The following FSIP2 variants were observed in gnomAD, a reference collection of about 807,000 sequenced individuals.
The protein encoded by FSIP2 is fibrous sheath-interacting protein 2.
Under a neutral mutation model 510.5 loss-of-function variants are expected in FSIP2, and 367 were observed. The ratio of observed to expected loss-of-function variants is 0.72; its 90% confidence interval spans 0.66 to 0.78. The LOEUF is 0.78. FSIP2 is among the 30% of genes least tolerant of loss of function. The pLI is 0.00. For synonymous variants in FSIP2, 2,601 were observed against 2,732.2 expected, an observed-to-expected ratio of 0.95 and a Z score of 1.50; for missense variants, 7,594 against 7,901.7, an observed-to-expected ratio of 0.96 and a Z score of 1.48.
Position 185,806,877 on chromosome 2 carries a change from G to C in FSIP2, c.17571G>C (p.Gly5857=), listed in dbSNP as rs1448350950. 1 of 1,608,360 alleles carries C rather than the reference G, an allele frequency of 6.2e-7. No individual in the cohort carries two copies. Among genetic ancestry groups the C allele is most frequent in the African/African-American group, 1.3e-5 (1 of 74,544 alleles). Residue 5857 remains glycine (G), a synonymous_variant, in exon 17 of 23, where the codon GGG becomes GGC. Coordinates refer to ENST00000424728, the MANE Select transcript of FSIP2 (RefSeq NM_173651.4). Reference sequence around the variant, plus strand: ...CAGATAAGGGAAATCAGTTCCCTGGGGGTAAAGTGTCTTCAGTTCCTAAAG... The same window carrying C: ...CAGATAAGGGAAATCAGTTCCCTGGCGGTAAAGTGTCTTCAGTTCCTAAAG... ...FRPDKGNQFP[G]GKVSSVPKVP...
At chr2:185,821,179 T>C (rs540285495) in intron 19 of FSIP2, among the ~76,000 whole-genome samples, 1 of 151,866 alleles carries the variant, frequency 6.6e-6, no homozygotes, top group Non-Finnish European at 1.5e-5. Context: ...TAATTGTATG[T>C]CAACAAATTG....
chr2:185,759,719 G>C (rs1044381142), intron 9 of FSIP2, among the ~76,000 whole-genome samples: 2 of 147,330 alleles, frequency 1.4e-5, no homozygotes, highest in Non-Finnish European at 3.0e-5. Context: ...TTTGCTCATG[G>C]GGGAATTGAA....
chr2:185,806,839 A>C lies in FSIP2; in HGVS notation c.17533A>C (p.Lys5845Gln). The change falls in exon 17 of 23, where the codon AAG (lysine) becomes CAG (glutamine). Residue 5845 changes from lysine (K) to glutamine (Q), a missense_variant. Physicochemically the swap from Lys to Gln is moderately conservative, Grantham distance 53. Coordinates refer to ENST00000424728, the MANE Select transcript of FSIP2 (RefSeq NM_173651.4). ...AAAGGAGTTCTCAGATGCTCAAATT[A>C]AGGTTTTCAGGCCAGATAAGGGAAA... Reference protein sequence around the residue: ...LLKEFSDAQIKVFRPDKGNQF... With the variant: ...LLKEFSDAQIQVFRPDKGNQF... The C allele has an allele frequency of 4.3e-6, 7 of 1,609,896 alleles. No individual in the cohort carries two copies. The highest frequency in any genetic ancestry group is 5.9e-6 in the Non-Finnish European group (7 of 1,178,220).
At chr2:185,739,544 A>G (rs776966867) in intron 2 of FSIP2, 73 bp downstream of exon 2, 167 of 1,285,552 alleles carry the variant, frequency 1.3e-4, no homozygotes, top group Middle Eastern at 2.0e-4. Context: ...GCTGCATCAT[A>G]CAAAATTCAT....
chr2:185,791,107 A>T lies in FSIP2; in HGVS notation c.3971A>T (p.His1324Leu). 7.8e-6 allele frequency: 12 copies of T among 1,531,674 alleles called. No individual in the cohort carries two copies. Among genetic ancestry groups the T allele is most frequent in the Non-Finnish European group, 9.6e-6 (11 of 1,144,192 alleles). 94.9% of individuals were successfully genotyped at this position (1,531,674 alleles called of 1,614,324 possible). A position where few individuals can be genotyped will look rare whatever the true frequency, so the allele number is the denominator to read the frequency against. The change falls in exon 16 of 23, where the codon CAT (histidine) becomes CTT (leucine). Residue 1324 changes from histidine to leucine, a missense_variant. Transcript: ENST00000424728. ...AACCTAAATCTTAGGGAGATTGACCATACCAAATCCCTTACAGATAAAGGA... is the reference window on the plus strand; with the variant it reads ...AACCTAAATCTTAGGGAGATTGACCTTACCAAATCCCTTACAGATAAAGGA... ...KENLNLREID[H>L]TKSLTDKGFF... is the part of the protein sequence containing the mutation.
At chr2:185,756,345 A>C (rs1411631574) in intron 9 of FSIP2, 67 bp downstream of exon 9, 6 of 570,246 alleles carry the variant, frequency 1.1e-5, no homozygotes, top group Non-Finnish European at 1.7e-5. Context: ...ACAGTTTTGT[A>C]ACAACTTTTT....
In FSIP2 at chr2:185,803,120, TTGA is replaced by T. The variant is rs1363270146; in HGVS notation, c.13821_13823del (p.Asp4607del). On this transcript the variant is annotated inframe_deletion, in exon 17 of 23. Transcript: ENST00000424728. ...TCATTATCTTCATCAGACACATATT[TTGA>T]TGATGAGAGAAGGCAGTTATTTTAT... 3 of 1,520,092 alleles carry T rather than the reference TTGA, an allele frequency of 2.0e-6. No individual in the cohort carries two copies. The highest frequency in any genetic ancestry group is 4.9e-5 in the East Asian group (2 of 40,756). The allele number at this position is 1,520,092 out of a possible 1,614,324, so 94.2% of individuals were successfully genotyped here. A position where few individuals can be genotyped will look rare whatever the true frequency, so the allele number is the denominator to read the frequency against.
intron 8 of FSIP2, among the ~76,000 whole-genome samples, chr2:185,755,972 A>G (rs1692238555): frequency 6.6e-6 from 1 of 151,458 alleles, no homozygotes; most frequent in Admixed American, 6.6e-5. Context: ...AAAACATTCT[A>G]TCCCTCCAAA....
chr2:185,754,906 TA>T (rs1692212670), intron 8 of FSIP2, among the ~76,000 whole-genome samples: 1 of 151,558 alleles, frequency 6.6e-6, no homozygotes, highest in Non-Finnish European at 1.5e-5. Context: ...ATAATTCCTA[TA>T]AAGAGTGTAA....
intron 19 of FSIP2, among the ~76,000 whole-genome samples, chr2:185,824,061 GTTCCCAGGGGATGGGGAGAGAGGGAAA>G (rs1693971475): frequency 6.6e-6 from 1 of 151,768 alleles, no homozygotes; most frequent in African/African-American, 2.4e-5. Context: ...TAGAATAGTG[GTTCCCAGGGGATGGGGAGAGAGGGAAA>G]TTAGGCTTTA....
chr2:185,830,155 A>G (rs1407012944), intron 21 of FSIP2, among the ~76,000 whole-genome samples: 1 of 151,902 alleles, frequency 6.6e-6, no homozygotes, highest in African/African-American at 2.4e-5. Flanking sequence ...GAAAAAAATC[A>G]ATGTTCTCTA....
chr2:185,803,815 AT>A lies in FSIP2; in HGVS notation c.14512del (p.Ser4838GlnfsTer17). The A allele has an allele frequency of 6.6e-7, 1 of 1,508,278 alleles. No individual in the cohort carries two copies. Among genetic ancestry groups the A allele is most frequent in the Non-Finnish European group, 8.8e-7 (1 of 1,131,324 alleles). 93.4% of individuals were successfully genotyped at this position (1,508,278 alleles called of 1,614,324 possible). ...IKLINEIMSIISKHEICIIKY... is the reference protein window; with the variant it reads ...IKLINEIMSIXSKHEICIIKY... The stretch of plus-strand genomic sequence containing the variant: ...ACTGATAAATGAAATTATGTCAATA[AT>A]TTCAAAACATGAAATATGTATTATT... On this transcript the variant is annotated frameshift_variant, in exon 17 of 23. Transcript: ENST00000424728. LOFTEE classifies it high-confidence loss of function.
At chr2:185,832,137 T>C (rs1485653976) in intron 22 of FSIP2, among the ~76,000 whole-genome samples, 2 of 151,934 alleles carry the variant, frequency 1.3e-5, no homozygotes, top group African/African-American at 4.8e-5. Context: ...TCACATTTTA[T>C]TTAAAGAAAA....
At chr2:185,782,181 T>C (rs56153026) in intron 13 of FSIP2, among the ~76,000 whole-genome samples, 79 of 152,258 alleles carry the variant, frequency 5.2e-4, no homozygotes, top group Non-Finnish European at 1.1e-3. Context: ...AGGATATATG[T>C]GGGAAGTCAT....
At chr2:185,828,339 C>A in intron 21 of FSIP2, 140 bp downstream of exon 21, 3 of 590,576 alleles carry the variant, frequency 5.1e-6, no homozygotes, top group Non-Finnish European at 9.2e-6. Flanking sequence ...ATTTCTTACA[C>A]CCTGTTCCCT....
Position 185,809,012 on chromosome 2 carries a change from T to A in FSIP2, c.19706T>A (p.Leu6569Gln). 1 of 1,612,760 alleles carries A rather than the reference T, an allele frequency of 6.2e-7. No individual in the cohort carries two copies. ...LKRTGHSIAE[L>Q]RRASISGRNY... ...AGAACTGGACATAGCATAGCAGAAC[T>A]GAGAAGAGCATCAATAAGTGGGAGA... The change falls in exon 17 of 23, where the codon CTG becomes CAG. Residue 6569 changes from leucine to glutamine, a missense_variant. Physicochemically the swap from Leu to Gln is moderately radical, Grantham distance 113. Transcript: ENST00000424728.
intron 7 of FSIP2, among the ~76,000 whole-genome samples, chr2:185,750,936 A>G (rs7424780): frequency 0.54 from 82,329 of 151,162 alleles, 22,664 homozygotes; most frequent in South Asian, 0.64. Context: ...CTTTTATTGT[A>G]GTCAGAGAAA....
At chr2:185,757,564 C>T (rs1692267453) in intron 9 of FSIP2, among the ~76,000 whole-genome samples, 1 of 151,172 alleles carries the variant, frequency 6.6e-6, no homozygotes, top group Non-Finnish European at 1.5e-5. Flanking sequence ...TAGAGGTGCT[C>T]CTCTTTCCCA....
intron 21 of FSIP2, among the ~76,000 whole-genome samples, chr2:185,829,738 C>T (rs1388661792): frequency 6.6e-6 from 1 of 151,882 alleles, no homozygotes; most frequent in Non-Finnish European, 1.5e-5. Context: ...ACTGGTTGTG[C>T]TTTTCTCTGC....
Sources: gnomAD v4.1 joint callset for allele counts (sites outside exome capture counted in the v4.1 genomes callset) on GRCh38, gnomAD v4.1.1 for gene constraint, MANE v1.5 for transcripts, NCBI Gene and HGNC (gene_info 2026-07-23, HGNC 2026-07-21) for gene names.